The following TBC1D12 variants were observed in gnomAD, a reference collection of about 807,000 sequenced individuals.
TBC1D12 encodes TBC1 domain family member 12.
A neutral mutation model predicts 86.7 loss-of-function variants in TBC1D12; 56 were observed. The ratio of observed to expected loss-of-function variants is 0.65; its 90% CI spans 0.52 to 0.81. The LOEUF (loss-of-function observed/expected upper bound fraction) is 0.81, where lower values mean the gene tolerates loss of function less well. TBC1D12 is among the 30% of genes least tolerant of loss of function. The pLI, the probability that TBC1D12 is intolerant of heterozygous loss-of-function variation, is 0.00. For missense variants in TBC1D12, 1,023 were observed against 1,038.8 expected (o/e 0.98, Z 0.21); for synonymous variants, 421 against 411.7 (o/e 1.02, Z -0.27).
chr10:94,467,462 C>A (rs1232559686), intron 2 of TBC1D12, among the ~76,000 whole-genome samples: 1 of 152,116 alleles, frequency 6.6e-6, no homozygotes, highest in African/African-American at 2.4e-5. Flanking sequence ...GAACTTCCGA[C>A]CTCAGGTGAG....
chr10:94,493,410 A>G lies in TBC1D12; in HGVS notation c.1257A>G (p.Gln419=). 6.2e-7 allele frequency: 1 copy of G among 1,613,302 alleles called. No individual in the cohort carries two copies. Among genetic ancestry groups the G allele is most frequent in the Non-Finnish European group, 8.5e-7 (1 of 1,179,882 alleles). ...TGGAAGAAGCTTTACGTCACCGACA[A>G]GAATACGATGAGATGGTGGCTGAGG... ...KSVEEALRHR[Q]EYDEMVAEAK... is the part of the protein sequence containing the mutation. The change falls in exon 4 of 13, where the codon CAA becomes CAG. Residue 419 remains glutamine, a synonymous_variant. Coordinates refer to ENST00000225235, the MANE Select transcript of TBC1D12 (RefSeq NM_015188.2).
chr10:94,492,217 A>C (rs188491344), intron 3 of TBC1D12, among the ~76,000 whole-genome samples: 1 of 152,156 alleles, frequency 6.6e-6, no homozygotes. Context: ...CCTGGTATAT[A>C]TAGGGTTTGT....
In TBC1D12 at chr10:94,533,765, A is replaced by G. The variant is rs1408067759; in HGVS notation, c.*669A>G. The G allele has an allele frequency of 6.6e-6, 1 of 152,144 alleles. No individual in the cohort carries two copies. Among genetic ancestry groups the G allele is most frequent in the African/African-American group, 2.4e-5 (1 of 41,440 alleles). The allele number at this position is 152,144 out of a possible 1,614,324, so 9.4% of individuals were successfully genotyped here. A position where few individuals can be genotyped will look rare whatever the true frequency, so the allele number is the denominator to read the frequency against. Reference sequence around the variant, plus strand: ...TTAAGGAATTCCTATCACTCAGAGAATTTTAGCCATTCTGGTTCTAGTCTA... The same window carrying G: ...TTAAGGAATTCCTATCACTCAGAGAGTTTTAGCCATTCTGGTTCTAGTCTA... On this transcript the variant is annotated 3_prime_UTR_variant, in exon 13 of 13. Coordinates refer to ENST00000225235, the MANE Select transcript of TBC1D12 (RefSeq NM_015188.2).
chr10:94,518,147 C>T (rs1202007187), intron 9 of TBC1D12, among the ~76,000 whole-genome samples: 2 of 152,128 alleles, frequency 1.3e-5, no homozygotes, highest in Non-Finnish European at 2.9e-5. Context: ...GAGCTCTGTA[C>T]TGCAATTGCT....
At chr10:94,466,082 G>A (rs1339924879) in intron 2 of TBC1D12, among the ~76,000 whole-genome samples, 1 of 151,782 alleles carries the variant, frequency 6.6e-6, no homozygotes, top group Non-Finnish European at 1.5e-5. Context: ...TCTTGTATCT[G>A]TCTTTATATT....
At chr10:94,522,509 T>A (rs1842177672) in intron 11 of TBC1D12, 56 bp downstream of exon 11, 1 of 793,338 alleles carries the variant, frequency 1.3e-6, no homozygotes, top group Non-Finnish European at 1.9e-6. Flanking sequence ...GTATAACTTT[T>A]TGTGTGTTTT....
intron 2 of TBC1D12, among the ~76,000 whole-genome samples, chr10:94,453,020 C>T (rs1027019076): frequency 9.2e-5 from 14 of 152,262 alleles, no homozygotes; most frequent in African/African-American, 3.4e-4. Context: ...TTGCAGTTCC[C>T]TAATGACATA....
chr10:94,510,194 C>A lies in TBC1D12; in HGVS notation c.1689+15C>A. ...TCTTTCAGAAGGTGAGGGTTTCTAA[C>A]CAGCTTGTAATTACTTAAAAAAAAT... On this transcript the variant is annotated intron_variant, in intron 8 of 12. Transcript: ENST00000225235. The A allele has an allele frequency of 6.5e-7, 1 of 1,538,458 alleles. No homozygotes were observed. The highest frequency in any genetic ancestry group is 1.3e-5 in the South Asian group (1 of 79,616).
At chr10:94,456,119 A>G (rs767849284) in intron 2 of TBC1D12, among the ~76,000 whole-genome samples, 31 of 152,130 alleles carry the variant, frequency 2.0e-4, no homozygotes, top group Non-Finnish European at 3.7e-4. Context: ...ATCTTTTTAA[A>G]GAACTGTTAG....
intron 9 of TBC1D12, among the ~76,000 whole-genome samples, chr10:94,516,031 G>A (rs1334319740): frequency 6.6e-6 from 1 of 151,780 alleles, no homozygotes; most frequent in Non-Finnish European, 1.5e-5. Context: ...TGACTTGTTT[G>A]TTTCTGGAAC....
intron 1 of TBC1D12, among the ~76,000 whole-genome samples, chr10:94,413,667 T>C (rs1212806318): frequency 3.3e-5 from 5 of 152,178 alleles, no homozygotes; most frequent in Non-Finnish European, 7.4e-5. Context: ...CAAGTCATGC[T>C]TCTTACTTAG....
intron 5 of TBC1D12, 107 bp from the exon 6 acceptor site, chr10:94,500,114 A>G: frequency 1.0e-6 from 1 of 1,004,702 alleles, no homozygotes. Flanking sequence ...CTATAGTCCT[A>G]AAAATGATTT....
chr10:94,526,605 T>C (rs1842295901), intron 11 of TBC1D12, among the ~76,000 whole-genome samples: 1 of 152,220 alleles, frequency 6.6e-6, no homozygotes, highest in Non-Finnish European at 1.5e-5. Context: ...ATTGTGTGTA[T>C]GTACCACATT....
In TBC1D12 at chr10:94,516,778, T is replaced by A. The variant is rs539042254; in HGVS notation, c.1761+5124T>A. ...TTGAATACAGAAGACTGTTAACTAC[T>A]TGAGATGCAAAAACATTTTGTTACC... is the stretch of plus-strand genomic sequence containing the variant. On this transcript the variant is annotated intron_variant, in intron 9 of 12. Coordinates refer to ENST00000225235, the MANE Select transcript of TBC1D12 (RefSeq NM_015188.2). 9.0e-4 allele frequency among the ~76,000 whole-genome samples: 137 copies of A among 152,220 alleles called. 1 individual carries two copies. Among genetic ancestry groups the A allele is most frequent in the African/African-American group, 3.0e-3 (123 of 41,554 alleles).
At chr10:94,403,634 G>A in intron 1 of TBC1D12, 50 bp downstream of exon 1, 1 of 1,408,648 alleles carries the variant, frequency 7.1e-7, no homozygotes, top group East Asian at 2.9e-5. Context: ...GCCGGGGCCG[G>A]AGCCGGGGTC....
chr10:94,528,592 C>T (rs1233390316), intron 11 of TBC1D12, among the ~76,000 whole-genome samples: 1 of 151,954 alleles, frequency 6.6e-6, no homozygotes, highest in African/African-American at 2.4e-5. Flanking sequence ...GAGGCCGAGG[C>T]GGGTGGATCG....
chr10:94,428,282 CTTTTTTT>C (rs894535771), intron 1 of TBC1D12, among the ~76,000 whole-genome samples: 5 of 99,926 alleles, frequency 5.0e-5, no homozygotes, highest in South Asian at 3.4e-4. Context: ...TTTGGAACTT[CTTTTTTT>C]TTTTTTTTTT....
At chr10:94,531,590 G>A (rs1842419277) in intron 12 of TBC1D12, 130 bp downstream of exon 12, 2 of 921,928 alleles carry the variant, frequency 2.2e-6, no homozygotes, top group African/African-American at 1.7e-5. Context: ...CTTCTAAGAA[G>A]CAAGAGTTTA....
At chr10:94,419,669 A>AG (rs1165154917) in intron 1 of TBC1D12, among the ~76,000 whole-genome samples, 2 of 152,176 alleles carry the variant, frequency 1.3e-5, no homozygotes, top group African/African-American at 4.8e-5. Context: ...ACTCTGTCTC[A>AG]GGGAAAAAAA....
Sources: gnomAD v4.1 joint callset for allele counts (sites outside exome capture counted in the v4.1 genomes callset) on GRCh38, gnomAD v4.1.1 for gene constraint, MANE v1.5 for transcripts, NCBI Gene and HGNC (gene_info 2026-07-23, HGNC 2026-07-21) for gene names.